TRIM54: variants seen among roughly 807,000 people sequenced by gnomAD.
The protein encoded by TRIM54 is tripartite motif containing 54.
A neutral mutation model predicts 42.0 loss-of-function variants in TRIM54; 40 were observed. The observed-to-expected ratio is 0.95, with a 90% confidence interval of 0.74 to 1.24. TRIM54 has a LOEUF of 1.24. Ranked by LOEUF, TRIM54 falls within the 50% of genes most tolerant of loss-of-function variation. The pLI is 0.00. For missense variants in TRIM54, 485 were observed against 480.3 expected (o/e 1.01, Z -0.09); for synonymous variants, 199 against 194.9 (o/e 1.02, Z -0.17).
chr2:27,289,745 A>G (rs1678668068), intron 1 of TRIM54, among the ~76,000 whole-genome samples: 1 of 151,934 alleles, frequency 6.6e-6, no homozygotes, highest in Non-Finnish European at 1.5e-5. Context: ...GATCCTGAGC[A>G]GTGGCACACA....
In TRIM54 at chr2:27,306,880, G is replaced by A; in HGVS notation, c.*2-7G>A. 1 of 421,606 alleles carries A rather than the reference G, an allele frequency of 2.4e-6. No homozygotes were observed. Among genetic ancestry groups the A allele is most frequent in the Non-Finnish European group, 4.3e-6 (1 of 233,110 alleles). The allele number at this position is 421,606 out of a possible 1,614,324, so 26.1% of individuals were successfully genotyped here. A position where few individuals can be genotyped will look rare whatever the true frequency, so the allele number is the denominator to read the frequency against. ...CCCGCCCACCGAGCCTTCTTTCCCG[G>A]GCACAGGCCTGCGCCGACCCGACCC... On this transcript the variant is annotated splice_polypyrimidine_tract_variant and splice_region_variant and intron_variant, in intron 8 of 8. Transcript: ENST00000380075. This position sits in a 1 kb window ranked among gnomAD's most constrained non-coding sequence, Gnocchi z 6.1.
Position 27,306,687 on chromosome 2 carries a change from C to A in TRIM54, c.*1+145C>A. On this transcript the variant is annotated intron_variant, in intron 8 of 8. Transcript: ENST00000380075. The surrounding 1 kb of genome is among the most constrained non-coding windows in gnomAD (Gnocchi z 6.1). ...CCCCACTCCTCGGTGCAACCCAACC[C>A]CGGAGCCACAAAGGCGCGCCCCCTA... 2 of 901,558 alleles carry A rather than the reference C, an allele frequency of 2.2e-6. No individual in the cohort carries two copies. Among genetic ancestry groups the A allele is most frequent in the Admixed American group, 5.8e-5 (2 of 34,194 alleles). 55.8% of individuals were successfully genotyped at this position (901,558 alleles called of 1,614,324 possible).
At position 27,306,216 on chromosome 2, in the gene TRIM54, C is replaced by T. The variant is rs780684328; in HGVS notation, c.870C>T (p.Val290=). 7 of 1,613,842 alleles carry T rather than the reference C, an allele frequency of 4.3e-6. No individual in the cohort carries two copies. The highest frequency in any genetic ancestry group is 3.3e-5 in the Admixed American group (2 of 59,986). ...LQQAKELINK[V]GAMSKVELAG... ...TGAGTCCGTGTGGCCACTGCAGGGT[C>T]GGGGCCATGTCGAAGGTGGAGCTGG... Residue 290 remains valine (V), a synonymous_variant, in exon 7 of 9, where the codon GTC becomes GTT. Coordinates refer to ENST00000380075, the MANE Select transcript of TRIM54 (RefSeq NM_187841.3). The surrounding 1 kb of genome is among the most constrained non-coding windows in gnomAD (Gnocchi z 6.1).
chr2:27,283,784 G>GCACACACACACACGCGCGCA (rs1678471025), intron 1 of TRIM54, among the ~76,000 whole-genome samples: 1 of 132,168 alleles, frequency 7.6e-6, no homozygotes, highest in East Asian at 2.2e-4. Flanking sequence ...ACACACGCGC[G>GCACACACACACACGCGCGCA]CACACACACA....
At chr2:27,294,851 C>G (rs1275531959) in intron 1 of TRIM54, among the ~76,000 whole-genome samples, 1 of 132,600 alleles carries the variant, frequency 7.5e-6, no homozygotes, top group Admixed American at 8.5e-5. Flanking sequence ...GATTGCACCA[C>G]TGCACTCCGG....
At chr2:27,305,535 C>T (rs1441571510) in intron 4 of TRIM54, 49 bp from the exon 5 acceptor site, 2 of 1,515,938 alleles carry the variant, frequency 1.3e-6, no homozygotes, top group African/African-American at 2.8e-5. Context: ...CTTTCCCAGC[C>T]ACCGGGTCTC....
chr2:27,282,942 A>G (rs1415647184), intron 1 of TRIM54, 43 bp downstream of exon 1: 5 of 1,579,172 alleles, frequency 3.2e-6, no homozygotes, highest in Non-Finnish European at 4.3e-6. Context: ...AGCAATGCAG[A>G]CCTGTGGGGG....
At chr2:27,284,523 C>G in intron 1 of TRIM54, among the ~76,000 whole-genome samples, 1 of 151,936 alleles carries the variant, frequency 6.6e-6, no homozygotes, top group Admixed American at 6.6e-5. Context: ...CAGAGTATCT[C>G]AGAGCCAGTA....
intron 1 of TRIM54, among the ~76,000 whole-genome samples, chr2:27,289,179 C>A (rs532224074): frequency 5.9e-5 from 9 of 152,148 alleles, no homozygotes; most frequent in Admixed American, 5.9e-4. Context: ...TGCCGTGGAC[C>A]AATGTCAGTG....
chr2:27,287,237 C>A (rs1678592443), intron 1 of TRIM54, among the ~76,000 whole-genome samples: 1 of 152,108 alleles, frequency 6.6e-6, no homozygotes, highest in Non-Finnish European at 1.5e-5. Flanking sequence ...GGGTCTCATT[C>A]TATCACCCAG....
chr2:27,301,545 A>G (rs1233451175), intron 3 of TRIM54, among the ~76,000 whole-genome samples: 1 of 152,166 alleles, frequency 6.6e-6, no homozygotes, highest in Non-Finnish European at 1.5e-5. Context: ...TGACATTGCC[A>G]TGGCATTAGT....
Position 27,303,394 on chromosome 2 carries a change from A to G in TRIM54, c.514-1565A>G, listed in dbSNP as rs769324952. ...GTGAAATCCCGTCTCTACTAAAGATACAAAAAATTAGCCGGGCGTGGTTGC... is the reference window on the plus strand; with the variant it reads ...GTGAAATCCCGTCTCTACTAAAGATGCAAAAAATTAGCCGGGCGTGGTTGC... On this transcript the variant is annotated intron_variant, in intron 3 of 8. Transcript: ENST00000380075. Among the ~76,000 whole-genome samples, 43 of 152,076 alleles carry G rather than the reference A, an allele frequency of 2.8e-4. 2 individuals are homozygous for G. The highest frequency in any genetic ancestry group is 5.9e-5 in the Non-Finnish European group (4 of 68,002).
chr2:27,305,482 G>A (rs548828455), intron 4 of TRIM54, 102 bp from the exon 5 acceptor site: 37 of 938,822 alleles, frequency 3.9e-5, no homozygotes, highest in Non-Finnish European at 4.5e-5. Context: ...GTGTCACTAC[G>A]GATGGGTCAC....
intron 1 of TRIM54, 24 bp from the exon 2 acceptor site, chr2:27,298,543 C>A (rs768897792): frequency 1.1e-5 from 17 of 1,601,084 alleles, no homozygotes; most frequent in Middle Eastern, 1.8e-4. Flanking sequence ...CGTGCCTGTT[C>A]TCTCAAGCCA....
rs115777776 is a variant in TRIM54, at chr2:27,299,202, C to A, written c.342-43C>A. 4.9e-5 allele frequency: 78 copies of A among 1,606,922 alleles called. No individual in the cohort carries two copies. The African/African-American group carries it at 8.4e-4, about 17-fold the overall frequency. ...CTGAAGAGAAGGTATTCCTAGGACC[C>A]TTCATGCTTAAGGTCCACCTCCCCC... is the stretch of plus-strand genomic sequence containing the variant. On this transcript the variant is annotated intron_variant, in intron 2 of 8. Coordinates refer to ENST00000380075, the MANE Select transcript of TRIM54 (RefSeq NM_187841.3).
intron 1 of TRIM54, among the ~76,000 whole-genome samples, chr2:27,283,867 G>T (rs563406418): frequency 6.6e-6 from 1 of 151,764 alleles, no homozygotes; most frequent in Non-Finnish European, 1.5e-5. Flanking sequence ...AGGTGCAGTG[G>T]CTCACGCCTG....
At chr2:27,291,384 C>A (rs1438275244) in intron 1 of TRIM54, among the ~76,000 whole-genome samples, 2 of 152,054 alleles carry the variant, frequency 1.3e-5, no homozygotes, top group Non-Finnish European at 2.9e-5. Flanking sequence ...CAAAAAATGA[C>A]TTTTAAACCT....
At chr2:27,283,784 GCACACACACACACACACACACACACA>G (rs3073589) in intron 1 of TRIM54, among the ~76,000 whole-genome samples, 1 of 132,168 alleles carries the variant, frequency 7.6e-6, no homozygotes, top group Non-Finnish European at 1.6e-5. Flanking sequence ...ACACACGCGC[GCACACACACACACACACACACACACA>G]CACACACACA....
At position 27,307,132 on chromosome 2, in the gene TRIM54, T is replaced by C; in HGVS notation, c.*247T>C. 7.1e-6 allele frequency: 2 copies of C among 281,240 alleles called. No individual in the cohort carries two copies. Among genetic ancestry groups the C allele is most frequent in the Non-Finnish European group, 1.4e-5 (2 of 147,718 alleles). The allele number at this position is 281,240 out of a possible 1,614,324, so 17.4% of individuals were successfully genotyped here. A position where few individuals can be genotyped will look rare whatever the true frequency, so the allele number is the denominator to read the frequency against. On this transcript the variant is annotated 3_prime_UTR_variant, in exon 9 of 9. Coordinates refer to ENST00000380075, the MANE Select transcript of TRIM54 (RefSeq NM_187841.3). The surrounding 1 kb of genome is among the most constrained non-coding windows in gnomAD (Gnocchi z 6.9). ...GGGGGGCGGAAGCCAAATGAACCCC[T>C]ATTGGGCACCTCTGTGATGCCAGGA...
Sources: gnomAD v4.1 joint callset for allele counts (sites outside exome capture counted in the v4.1 genomes callset) on GRCh38, gnomAD v4.1.1 for gene constraint, Gnocchi (gnomAD v3.1) non-coding constraint, MANE v1.5 for transcripts, NCBI Gene and HGNC (gene_info 2026-07-23, HGNC 2026-07-21) for gene names.